The following PRKCE variants were observed in gnomAD, a reference collection of about 807,000 sequenced individuals.
The protein encoded by PRKCE is protein kinase C epsilon type.
Under a neutral mutation model 85.4 loss-of-function variants are expected in PRKCE, and 16 were observed. The observed-to-expected ratio is 0.19, with a 90% confidence interval of 0.13 to 0.28. The LOEUF is 0.28. Ranked by LOEUF, PRKCE falls within the 10% of genes least tolerant of loss-of-function variation. The probability of loss-of-function intolerance (pLI) is 1.00; values close to 1 mark genes in which losing one functional copy is unlikely to be tolerated. For synonymous variants in PRKCE, 388 were observed against 371.5 expected (o/e 1.04, Z -0.51); for missense variants, 573 against 975.2 (o/e 0.59, Z 5.49).
chr2:46,159,232 G>T lies in PRKCE; in HGVS notation c.1921-374G>T, dbSNP rs76703102. Among the ~76,000 whole-genome samples, 302 of 152,274 alleles carry T rather than the reference G, an allele frequency of 2.0e-3. 9 individuals are homozygous for T. In the East Asian group the frequency reaches 0.05, roughly 25 times the overall value. ...TGAGAAGACCTGAGAATCTGAGGGG[G>T]ATCACAGAGTCAGTAAGAGCCAGAG... On this transcript the variant is annotated intron_variant, in intron 13 of 14. Transcript: ENST00000306156. This position sits in a 1 kb window ranked among gnomAD's most constrained non-coding sequence, Gnocchi z 4.1.
At chr2:45,871,791 C>A (rs1694106505) in intron 2 of PRKCE, among the ~76,000 whole-genome samples, 2 of 152,174 alleles carry the variant, frequency 1.3e-5, no homozygotes, top group Admixed American at 1.3e-4. Flanking sequence ...CCTGAGACTG[C>A]CCCAGAGAGG....
chr2:45,862,638 C>G (rs1335486283), intron 2 of PRKCE, among the ~76,000 whole-genome samples: 4 of 152,198 alleles, frequency 2.6e-5, no homozygotes. Flanking sequence ...TTCTGGGAAA[C>G]CAATTGCCAA....
intron 1 of PRKCE, among the ~76,000 whole-genome samples, chr2:45,794,781 A>T (rs4953258): frequency 0.14 from 20,504 of 151,598 alleles, 1,474 homozygotes; most frequent in South Asian, 0.19. Context: ...GTATTCATCA[A>T]AATGATAGAC....
intron 2 of PRKCE, among the ~76,000 whole-genome samples, chr2:45,912,011 A>C (rs972183206): frequency 4.0e-5 from 6 of 151,612 alleles, no homozygotes; most frequent in African/African-American, 1.5e-4. Flanking sequence ...AAAAGTTTTC[A>C]TTTTTTTCTA....
At chr2:45,935,171 G>T (rs1699348634) in intron 2 of PRKCE, among the ~76,000 whole-genome samples, 2 of 152,034 alleles carry the variant, frequency 1.3e-5, no homozygotes, top group African/African-American at 4.8e-5. Context: ...AAAGAAATTG[G>T]CCTTCTGTTA....
chr2:45,752,751 T>C (rs1247765571), intron 1 of PRKCE, among the ~76,000 whole-genome samples: 1 of 152,184 alleles, frequency 6.6e-6, no homozygotes, highest in East Asian at 1.9e-4. Flanking sequence ...CAGGTCACCC[T>C]GACCTAGGTA....
rs1677539570 is a variant in PRKCE, at chr2:46,159,419, G to T, written c.1921-187G>T. On this transcript the variant is annotated intron_variant, in intron 13 of 14. Coordinates refer to ENST00000306156, the MANE Select transcript of PRKCE (RefSeq NM_005400.3). This position sits in a 1 kb window ranked among gnomAD's most constrained non-coding sequence, Gnocchi z 4.1. ...ATACATGTACCATGTCTAGAATGGT[G>T]TCTGGGACATAGTCAATTCTATGTA... Among the ~76,000 whole-genome samples the T allele has an allele frequency of 6.6e-6, 1 of 152,194 alleles. No homozygotes were observed. The highest frequency in any genetic ancestry group is 2.4e-5 in the African/African-American group (1 of 41,444).
At chr2:45,843,594 C>A (rs567116303) in intron 2 of PRKCE, among the ~76,000 whole-genome samples, 6 of 152,334 alleles carry the variant, frequency 3.9e-5, no homozygotes, top group African/African-American at 1.4e-4. Flanking sequence ...GCGTATTACA[C>A]CCTCTTCCTC....
At chr2:45,971,750 G>A (rs1702124249) in intron 2 of PRKCE, among the ~76,000 whole-genome samples, 1 of 152,196 alleles carries the variant, frequency 6.6e-6, no homozygotes. Flanking sequence ...CAGTGTCAAC[G>A]AATGACCAAT....
At chr2:46,103,990 T>G (rs1415679753) in intron 11 of PRKCE, among the ~76,000 whole-genome samples, 1 of 152,220 alleles carries the variant, frequency 6.6e-6, no homozygotes, top group Non-Finnish European at 1.5e-5. Context: ...TTTTCATTTC[T>G]CTAAAAATGT....
chr2:46,057,843 G>T (rs954335659), intron 10 of PRKCE, among the ~76,000 whole-genome samples: 1 of 152,148 alleles, frequency 6.6e-6, no homozygotes, highest in Non-Finnish European at 1.5e-5. Flanking sequence ...TCACCAAGCT[G>T]TTGTGAGGAT....
intron 2 of PRKCE, among the ~76,000 whole-genome samples, chr2:45,957,506 G>C (rs114287556): frequency 2.0e-4 from 31 of 152,248 alleles, no homozygotes; most frequent in African/African-American, 7.5e-4. Flanking sequence ...TAGGAATGAT[G>C]GTCTTTCCAG....
rs543742059 is a variant in PRKCE at position 45,777,153 on chromosome 2, A to C, written c.349-65847A>C. ...GAATATGTATTATAAGGGAAAGCAT[A>C]GGGTGTTATGAAAGCATGAAATAGT... On this transcript the variant is annotated intron_variant, in intron 1 of 14. Transcript: ENST00000306156. Among the ~76,000 whole-genome samples, 4 of 152,332 alleles carry C rather than the reference A, an allele frequency of 2.6e-5. No individual in the cohort carries two copies. In the East Asian group the frequency reaches 7.7e-4, roughly 29 times the overall value.
At position 45,777,660 on chromosome 2, in the gene PRKCE, GA is replaced by G. The variant is rs1027407736; in HGVS notation, c.349-65337del. Among the ~76,000 whole-genome samples the G allele has an allele frequency of 1.3e-5, 2 of 152,116 alleles. 1 individual carries two copies. The highest frequency in any genetic ancestry group is 4.8e-5 in the African/African-American group (2 of 41,410). ...TTATTACTTCTTGTTTACAGATGAG[GA>G]AACAGAGGCCCCGGGAGGGTAGGCA... is the stretch of plus-strand genomic sequence containing the variant. On this transcript the variant is annotated intron_variant, in intron 1 of 14. Coordinates refer to ENST00000306156, the MANE Select transcript of PRKCE (RefSeq NM_005400.3).
At chr2:46,052,591 A>G (rs1257788129) in intron 10 of PRKCE, among the ~76,000 whole-genome samples, 3 of 152,224 alleles carry the variant, frequency 2.0e-5, no homozygotes, top group Admixed American at 1.3e-4. Flanking sequence ...TCTACATTCA[A>G]TGCAGTCCCT....
Position 46,184,599 on chromosome 2 carries a change from G to A in PRKCE, c.2068-136G>A. 1.8e-6 allele frequency: 2 copies of A among 1,122,480 alleles called. No homozygotes were observed. Among genetic ancestry groups the A allele is most frequent in the Non-Finnish European group, 2.5e-6 (2 of 786,040 alleles). The allele number at this position is 1,122,480 out of a possible 1,614,324, so 69.5% of individuals were successfully genotyped here. ...CATCCATCGTTACCTCATCGGGACA[G>A]CCCCGTGTCTGCTGTCTGTTGGTAG... On this transcript the variant is annotated intron_variant, in intron 14 of 14. Transcript: ENST00000306156. This position sits in a 1 kb window ranked among gnomAD's most constrained non-coding sequence, Gnocchi z 5.0.
intron 11 of PRKCE, among the ~76,000 whole-genome samples, chr2:46,098,740 T>C (rs572288727): frequency 5.6e-4 from 85 of 152,262 alleles, no homozygotes; most frequent in Admixed American, 1.6e-3. Flanking sequence ...CTTAGTCATA[T>C]GATTTTTGTT....
chr2:45,918,935 T>G (rs908952400), intron 2 of PRKCE, among the ~76,000 whole-genome samples: 1 of 152,228 alleles, frequency 6.6e-6, no homozygotes, highest in African/African-American at 2.4e-5. Flanking sequence ...TCCCCTTTGC[T>G]GTCACACACC....
chr2:45,963,882 G>A (rs968900105), intron 2 of PRKCE, among the ~76,000 whole-genome samples: 1 of 152,236 alleles, frequency 6.6e-6, no homozygotes, highest in South Asian at 2.1e-4. Context: ...CTAAAAAGTT[G>A]GCTCACTGCG....
Sources: allele counts gnomAD v4.1 joint callset (sites outside exome capture counted in the v4.1 genomes callset), GRCh38; gene constraint gnomAD v4.1.1; non-coding constraint Gnocchi (gnomAD v3.1); transcripts MANE v1.5; gene names NCBI Gene and HGNC (gene_info 2026-07-23, HGNC 2026-07-21).